UBE2E2: variants seen among roughly 807,000 people sequenced by gnomAD.
The protein encoded by UBE2E2 is ubiquitin-conjugating enzyme E2 E2.
A neutral mutation model predicts 24.7 loss-of-function variants in UBE2E2; 6 were observed. That is an observed-to-expected ratio of 0.24 (90% CI 0.13 to 0.48). The LOEUF is 0.48. Ranked by LOEUF, UBE2E2 falls within the 20% of genes least tolerant of loss-of-function variation. The pLI, the probability that UBE2E2 is intolerant of heterozygous loss-of-function variation, is 0.99. For synonymous variants in UBE2E2, 104 were observed against 83.6 expected (o/e 1.24, Z -1.33); for missense variants, 169 against 245.0 (o/e 0.69, Z 2.07).
At chr3:23,260,894 A>G (rs1207935619) in intron 3 of UBE2E2, among the ~76,000 whole-genome samples, 5 of 152,224 alleles carry the variant, frequency 3.3e-5, no homozygotes, top group South Asian at 2.1e-4. Flanking sequence ...TCACTTGCCA[A>G]GGAGTTTGAG....
intron 5 of UBE2E2, among the ~76,000 whole-genome samples, chr3:23,581,103 C>T (rs1231641615): frequency 6.6e-6 from 1 of 151,980 alleles, no homozygotes; most frequent in Non-Finnish European, 1.5e-5. Context: ...TGGGGTCTCA[C>T]TCTGACACCC....
chr3:23,401,785 G>T (rs1697228276), intron 3 of UBE2E2, among the ~76,000 whole-genome samples: 1 of 149,098 alleles, frequency 6.7e-6, no homozygotes, highest in Non-Finnish European at 1.5e-5. Flanking sequence ...GGTTCAAGCA[G>T]TTCTCCTATC....
intron 3 of UBE2E2, among the ~76,000 whole-genome samples, chr3:23,372,571 A>G (rs980756040): frequency 5.3e-5 from 8 of 152,310 alleles, no homozygotes; most frequent in African/African-American, 1.9e-4. Flanking sequence ...CTCCATTTTA[A>G]AGATTGTGCA....
intron 3 of UBE2E2, among the ~76,000 whole-genome samples, chr3:23,303,347 A>G (rs7632520): frequency 0.33 from 50,775 of 151,816 alleles, 8,709 homozygotes; most frequent in South Asian, 0.38. Context: ...ATGAGCTTGA[A>G]TTATCCGGAA....
chr3:23,293,518 C>A (rs576050437), intron 3 of UBE2E2, among the ~76,000 whole-genome samples: 1 of 152,150 alleles, frequency 6.6e-6, no homozygotes, highest in South Asian at 2.1e-4. Flanking sequence ...TACGGTCTTA[C>A]GTTAAAAAAA....
chr3:23,572,727 A>G (rs1225487808), intron 5 of UBE2E2, among the ~76,000 whole-genome samples: 1 of 152,156 alleles, frequency 6.6e-6, no homozygotes, highest in African/African-American at 2.4e-5. Flanking sequence ...GCTCCTTTTG[A>G]TTGCTGCATG....
At chr3:23,402,541 A>G (rs1261762056) in intron 3 of UBE2E2, among the ~76,000 whole-genome samples, 1 of 152,226 alleles carries the variant, frequency 6.6e-6, no homozygotes, top group Non-Finnish European at 1.5e-5. Context: ...TTTAGTTGCT[A>G]GCCCACATGT....
intron 2 of UBE2E2, among the ~76,000 whole-genome samples, chr3:23,215,078 T>A (rs1696438558): frequency 1.3e-5 from 2 of 152,150 alleles, no homozygotes. Flanking sequence ...ATTGGTTGCC[T>A]TTATAGTCTA....
chr3:23,345,337 G>A (rs568146256), intron 3 of UBE2E2, among the ~76,000 whole-genome samples: 1 of 151,978 alleles, frequency 6.6e-6, no homozygotes, highest in South Asian at 2.1e-4. Flanking sequence ...TTAATATTTG[G>A]GACAGGTTAA....
intron 3 of UBE2E2, among the ~76,000 whole-genome samples, chr3:23,225,754 A>G (rs1222169300): frequency 2.0e-5 from 3 of 151,976 alleles, no homozygotes; most frequent in Non-Finnish European, 4.4e-5. Context: ...TACTTTTTTC[A>G]TTGTCTTAAC....
chr3:23,378,730 A>T (rs1020821823), intron 3 of UBE2E2, among the ~76,000 whole-genome samples: 2 of 152,200 alleles, frequency 1.3e-5, no homozygotes, highest in Admixed American at 1.3e-4. Context: ...TTGATTTTAA[A>T]AATCAGCATG....
chr3:23,317,385 A>G (rs1694610618), intron 3 of UBE2E2, among the ~76,000 whole-genome samples: 1 of 152,136 alleles, frequency 6.6e-6, no homozygotes, highest in East Asian at 1.9e-4. Context: ...TTCCAATGCA[A>G]AGCCCACAGT....
At chr3:23,405,174 A>G (rs529057512) in intron 3 of UBE2E2, among the ~76,000 whole-genome samples, 1 of 152,280 alleles carries the variant, frequency 6.6e-6, no homozygotes, top group African/African-American at 2.4e-5. Context: ...GAAACAGTAT[A>G]ATGTGGTAGA....
At chr3:23,342,187 GTT>G (rs71620774) in intron 3 of UBE2E2, among the ~76,000 whole-genome samples, 4 of 141,726 alleles carry the variant, frequency 2.8e-5, no homozygotes, top group South Asian at 2.3e-4. Context: ...ATTTAGTTTA[GTT>G]TTTTTTTTTT....
intron 3 of UBE2E2, among the ~76,000 whole-genome samples, chr3:23,422,706 G>T (rs1360173205): frequency 2.0e-5 from 3 of 152,160 alleles, no homozygotes; most frequent in African/African-American, 4.8e-5. Context: ...GAGACAGGCA[G>T]ATTTTCACTC....
chr3:23,554,530 G>A lies in UBE2E2; in HGVS notation c.508+21829G>A, dbSNP rs146541297. On this transcript the variant is annotated intron_variant, in intron 5 of 5. Transcript: ENST00000396703. The stretch of plus-strand genomic sequence containing the variant: ...CTCTCTCTTTAAAAAAATAAAATAA[G>A]AATGAAATTGGACCTTTATCTTACA... Among the ~76,000 whole-genome samples, 572 of 152,056 alleles carry A rather than the reference G, an allele frequency of 3.8e-3. 5 individuals are homozygous for A. Among genetic ancestry groups the A allele is most frequent in the African/African-American group, 0.012 (496 of 41,486 alleles).
intron 3 of UBE2E2, among the ~76,000 whole-genome samples, chr3:23,220,751 C>G (rs1696611015): frequency 6.6e-6 from 1 of 152,158 alleles, no homozygotes; most frequent in African/African-American, 2.4e-5. Context: ...TAGAGTGGGT[C>G]AAATTGATGC....
intron 3 of UBE2E2, among the ~76,000 whole-genome samples, chr3:23,376,372 G>T (rs1696521525): frequency 6.6e-6 from 1 of 152,200 alleles, no homozygotes; most frequent in African/African-American, 2.4e-5. Flanking sequence ...CATACAAAGA[G>T]AATTTTTTCC....
At chr3:23,446,699 G>GTT (rs57327621) in intron 3 of UBE2E2, among the ~76,000 whole-genome samples, 8,313 of 112,138 alleles carry the variant, frequency 0.074, 1,183 homozygotes, top group African/African-American at 0.27. Flanking sequence ...CGTCTGTTTG[G>GTT]TTTTTTTTTT....
Sources: gnomAD v4.1 joint callset for allele counts (sites outside exome capture counted in the v4.1 genomes callset) on GRCh38, gnomAD v4.1.1 for gene constraint, MANE v1.5 for transcripts, NCBI Gene and HGNC (gene_info 2026-07-23, HGNC 2026-07-21) for gene names.